SLC28A1: variants seen among roughly 807,000 people sequenced by gnomAD.
SLC28A1 encodes sodium/nucleoside cotransporter 1.
SLC28A1 carries 64 observed loss-of-function variants against 74.8 expected under a neutral mutation model. That is an observed-to-expected ratio of 0.86 (90% CI 0.70 to 1.05). The LOEUF (loss-of-function observed/expected upper bound fraction) is 1.05. Ranked by LOEUF, SLC28A1 falls within the 50% of genes least tolerant of loss-of-function variation. The pLI is 0.00. For missense variants in SLC28A1, 828 were observed against 822.8 expected (o/e 1.01, Z -0.08); for synonymous variants, 359 against 335.0 (o/e 1.07, Z -0.78).
At chr15:84,915,489 G>A (rs776627926) in intron 9 of SLC28A1, among the ~76,000 whole-genome samples, 4 of 152,146 alleles carry the variant, frequency 2.6e-5, no homozygotes, top group East Asian at 1.9e-4. Flanking sequence ...ACCAGTCTCC[G>A]GCAGTGAGCA....
chr15:84,929,721 G>A (rs1420720981), intron 12 of SLC28A1, among the ~76,000 whole-genome samples: 1 of 152,166 alleles, frequency 6.6e-6, no homozygotes, highest in Non-Finnish European at 1.5e-5. Context: ...AATTACTTGG[G>A]CATGGTGGCA....
chr15:84,975,619 G>C, the SLC28A1 span: 2 of 451,192 alleles, frequency 4.4e-6, no homozygotes, highest in African/African-American at 4.0e-5. Context: ...TATTAAAGAA[G>C]CATCCTTATA....
intron 1 of SLC28A1, chr15:84,886,200 T>C: frequency 1.0e-6 from 1 of 985,176 alleles, no homozygotes; most frequent in Non-Finnish European, 1.2e-6. Context: ...TTGACAGACC[T>C]GAAACACTTT....
chr15:84,939,225 C>T (rs1567186649), intron 15 of SLC28A1, among the ~76,000 whole-genome samples: 1 of 152,146 alleles, frequency 6.6e-6, no homozygotes, highest in Non-Finnish European at 1.5e-5. Context: ...GACACTGAGG[C>T]AGGAGGATCG....
chr15:84,943,641 C>T (rs904073510), intron 16 of SLC28A1, 115 bp downstream of exon 16: 4 of 829,420 alleles, frequency 4.8e-6, no homozygotes, highest in South Asian at 1.4e-5. Context: ...ACAAGATGGC[C>T]ATAGAGGCCA....
Position 84,945,515 on chromosome 15 carries a change from C to T in SLC28A1, c.*315C>T. 2.5e-6 allele frequency: 1 copy of T among 400,748 alleles called. No homozygotes were observed. Among genetic ancestry groups the T allele is most frequent in the Non-Finnish European group, 4.8e-6 (1 of 209,608 alleles). 24.8% of individuals were successfully genotyped at this position (400,748 alleles called of 1,614,324 possible). A position where few individuals can be genotyped will look rare whatever the true frequency, so the allele number is the denominator to read the frequency against. On this transcript the variant is annotated 3_prime_UTR_variant, in exon 19 of 19. Coordinates refer to ENST00000394573, the MANE Select transcript of SLC28A1 (RefSeq NM_004213.5). ...ACAGCACCCTGGTCCTCTCTATCCC[C>T]CCTCTCCTGGGGTCCCTCACATGCC...
chr15:84,926,669 C>A, intron 12 of SLC28A1: 1 of 384,004 alleles, frequency 2.6e-6, no homozygotes, highest in East Asian at 9.3e-5. Context: ...GTAAGTTGCC[C>A]CACACAAGGT....
intron 8 of SLC28A1, among the ~76,000 whole-genome samples, chr15:84,906,544 CTTTCTTTCTTTCTTTCTTTCTCTTT>C (rs1567140026): frequency 1.6e-5 from 1 of 63,312 alleles, no homozygotes; most frequent in Non-Finnish European, 3.2e-5. Context: ...TTCTTTCTTT[CTTTCTTTCTTTCTTTCTTTCTCTTT>C]CTTTCTTCCT....
chr15:84,964,342 A>G, the SLC28A1 span, among the ~76,000 whole-genome samples: 12,901 of 152,186 alleles, frequency 0.085, 677 homozygotes, highest in African/African-American at 0.15. Context: ...CAAGGAAGAC[A>G]TTGAAGGAAG....
the SLC28A1 span, among the ~76,000 whole-genome samples, chr15:84,953,007 T>C: frequency 6.6e-6 from 1 of 152,250 alleles, no homozygotes; most frequent in East Asian, 1.9e-4. Flanking sequence ...GTCCATTGTT[T>C]ATATTACCAA....
the SLC28A1 span, among the ~76,000 whole-genome samples, chr15:84,971,147 G>A: frequency 6.6e-6 from 1 of 152,200 alleles, no homozygotes; most frequent in African/African-American, 2.4e-5. Flanking sequence ...CCCTGTCAAT[G>A]AGACTGTATC....
At chr15:84,886,443 G>A in intron 1 of SLC28A1, 2 of 985,454 alleles carry the variant, frequency 2.0e-6, no homozygotes, top group African/African-American at 1.7e-5. Context: ...AATAGGCCTG[G>A]AAGAGGTCAG....
intron 6 of SLC28A1, among the ~76,000 whole-genome samples, chr15:84,900,813 CA>C (rs1016619767): frequency 6.1e-5 from 9 of 148,000 alleles, no homozygotes; most frequent in African/African-American, 2.3e-4. Flanking sequence ...GACCCTGCCT[CA>C]AAAAAGACAG....
At chr15:84,938,985 C>T (rs559780572) in intron 15 of SLC28A1, among the ~76,000 whole-genome samples, 1 of 152,160 alleles carries the variant, frequency 6.6e-6, no homozygotes, top group Non-Finnish European at 1.5e-5. Context: ...GGCCAAGGAA[C>T]AGTTGGAAAT....
chr15:84,922,463 T>C (rs1173539104), intron 11 of SLC28A1, among the ~76,000 whole-genome samples: 4 of 152,124 alleles, frequency 2.6e-5, no homozygotes, highest in Non-Finnish European at 5.9e-5. Context: ...CTTCCCCCAC[T>C]GCGGCATCCA....
At chr15:84,917,387 A>C (rs957054090) in intron 9 of SLC28A1, among the ~76,000 whole-genome samples, 1 of 152,116 alleles carries the variant, frequency 6.6e-6, no homozygotes, top group Admixed American at 6.5e-5. Context: ...GGCCTCTTGC[A>C]CATCCTTCTA....
chr15:84,886,765 A>C lies in SLC28A1; in HGVS notation c.-39A>C. On this transcript the variant is annotated 5_prime_UTR_variant, in exon 2 of 19. Transcript: ENST00000394573. ...ACGTGTGCTTCCCTCTCTCTCTGAG[A>C]GCGACCTGTTAACCGCAAATACGTG... is the stretch of plus-strand genomic sequence containing the variant. The C allele has an allele frequency of 1.0e-6, 1 of 985,434 alleles. No homozygotes were observed. The allele number at this position is 985,434 out of a possible 1,614,324, so 61.0% of individuals were successfully genotyped here. A position where few individuals can be genotyped will look rare whatever the true frequency, so the allele number is the denominator to read the frequency against.
At chr15:84,921,845 T>G (rs1969867359) in intron 11 of SLC28A1, among the ~76,000 whole-genome samples, 1 of 152,192 alleles carries the variant, frequency 6.6e-6, no homozygotes, top group Non-Finnish European at 1.5e-5. Context: ...TCCCTTAAGG[T>G]GTTCAAAATG....
chr15:84,958,747 G>A, the SLC28A1 span, among the ~76,000 whole-genome samples: 1 of 151,856 alleles, frequency 6.6e-6, no homozygotes, highest in East Asian at 1.9e-4. Flanking sequence ...ATAGAGATGA[G>A]ATATCATTAT....
Sources: allele counts gnomAD v4.1 joint callset (sites outside exome capture counted in the v4.1 genomes callset), GRCh38; gene constraint gnomAD v4.1.1; transcripts MANE v1.5; gene names NCBI Gene and HGNC (gene_info 2026-07-23, HGNC 2026-07-21).